Variants in PHF2 observed in about 807,000 individuals in gnomAD.
PHF2 encodes lysine-specific demethylase PHF2.
Under a neutral mutation model 120.5 loss-of-function variants are expected in PHF2, and 27 were observed. That is an observed-to-expected ratio of 0.22 (90% CI 0.17 to 0.31). The LOEUF (loss-of-function observed/expected upper bound fraction) is 0.31, where lower values mean the gene tolerates loss of function less well. Ranked by LOEUF, PHF2 falls within the 10% of genes least tolerant of loss-of-function variation. PHF2 has a pLI of 1.00. For missense variants in PHF2, 1,024 were observed against 1,434.8 expected, an observed-to-expected ratio of 0.71 and a Z score of 4.63; for synonymous variants, 568 against 592.5, an observed-to-expected ratio of 0.96 and a Z score of 0.60.
At chr9:93,587,531 A>G (rs35695657) in intron 1 of PHF2, among the ~76,000 whole-genome samples, 1,921 of 22,890 alleles carry the variant, frequency 0.084, 3 homozygotes, top group South Asian at 0.12. Flanking sequence ...AGTCCCAGAT[A>G]GTGGATGGAG....
chr9:93,673,090 C>T (rs1826840240), intron 17 of PHF2, among the ~76,000 whole-genome samples: 1 of 151,814 alleles, frequency 6.6e-6, no homozygotes, highest in African/African-American at 2.4e-5. Flanking sequence ...GGCTACGCTG[C>T]CCCATCTCAG....
rs773222900 is a variant in PHF2, at chr9:93,679,329, T to C, written c.*1653T>C. The C allele has an allele frequency of 2.0e-5, 9 of 451,950 alleles. No homozygotes were observed. The highest frequency in any genetic ancestry group is 4.0e-5 in the Non-Finnish European group (9 of 225,994). 28.0% of individuals were successfully genotyped at this position (451,950 alleles called of 1,614,324 possible). On this transcript the variant is annotated 3_prime_UTR_variant, in exon 22 of 22. Coordinates refer to ENST00000359246, the MANE Select transcript of PHF2 (RefSeq NM_005392.4). Reference sequence around the variant, plus strand: ...GGGCCCCAGGCTTATTCAGAACTGGTGTTTTTAAAGTTTCCTTTACCCTGC... The same window carrying C: ...GGGCCCCAGGCTTATTCAGAACTGGCGTTTTTAAAGTTTCCTTTACCCTGC...
intron 17 of PHF2, chr9:93,672,606 G>A (rs750739795): frequency 1.0e-6 from 1 of 984,724 alleles, no homozygotes; most frequent in Non-Finnish European, 1.2e-6. Context: ...GGAGGTGTGG[G>A]TATGGGTGTA....
intron 1 of PHF2, among the ~76,000 whole-genome samples, chr9:93,582,685 A>C (rs999192242): frequency 1.3e-5 from 2 of 152,164 alleles, no homozygotes; most frequent in African/African-American, 4.8e-5. Context: ...ACATATGAAC[A>C]TATTTAGAAT....
At position 93,597,867 on chromosome 9, in the gene PHF2, T is replaced by C. The variant is rs146373069; in HGVS notation, c.98+20996T>C. Among the ~76,000 whole-genome samples, 328 of 152,272 alleles carry C rather than the reference T, an allele frequency of 2.2e-3. 1 individual carries two copies. Among genetic ancestry groups the C allele is most frequent in the Non-Finnish European group, 2.1e-3 (145 of 67,996 alleles). ...TTTTTAAAGAACTCTCCCCTCTTCC[T>C]CTCAGATCTTCCTTTAATTTCCAAA... On this transcript the variant is annotated intron_variant, in intron 1 of 21. Coordinates refer to ENST00000359246, the MANE Select transcript of PHF2 (RefSeq NM_005392.4).
In PHF2 at chr9:93,654,795, G is replaced by A. The variant is rs139261542; in HGVS notation, c.952+220G>A. ...ACCCCAGCCCAGTCCCTGCAGAGGG[G>A]CCAGCAATGGGGCTTGTGTTGTCTC... On this transcript the variant is annotated intron_variant, in intron 7 of 21. Transcript: ENST00000359246. Among the ~76,000 whole-genome samples, 600 of 152,324 alleles carry A rather than the reference G, an allele frequency of 3.9e-3. 7 individuals carry two copies. Among genetic ancestry groups the A allele is most frequent in the African/African-American group, 0.014 (587 of 41,572 alleles).
chr9:93,617,127 G>GGGGCCA (rs1797354788), intron 1 of PHF2, among the ~76,000 whole-genome samples: 1 of 152,232 alleles, frequency 6.6e-6, no homozygotes, highest in Non-Finnish European at 1.5e-5. Flanking sequence ...GTCTGAGCCA[G>GGGGCCA]GGGCCAGGGC....
intron 1 of PHF2, among the ~76,000 whole-genome samples, chr9:93,613,901 G>T (rs539100522): frequency 6.6e-6 from 1 of 152,266 alleles, no homozygotes; most frequent in African/African-American, 2.4e-5. Context: ...AGTCTCTATG[G>T]GTTGTCAGCT....
chr9:93,645,749 G>C lies in PHF2; in HGVS notation c.420G>C (p.Pro140=), dbSNP rs745919994. Reference sequence around the variant, plus strand: ...AAGACGGGCTGGGTCTGGCTGTCCCGGCCCCCACGTTCTATGTCAGTGACG... The same window carrying C: ...AAGACGGGCTGGGTCTGGCTGTCCCCGCCCCCACGTTCTATGTCAGTGACG... ...PKKDGLGLAV[P]APTFYVSDVE... is the part of the protein sequence containing the mutation. The change falls in exon 4 of 22, where the codon CCG becomes CCC. Residue 140 remains proline (P), a synonymous_variant. Coordinates refer to ENST00000359246, the MANE Select transcript of PHF2 (RefSeq NM_005392.4). The C allele has an allele frequency of 6.2e-7, 1 of 1,609,594 alleles. No individual in the cohort carries two copies. The highest frequency in any genetic ancestry group is 8.5e-7 in the Non-Finnish European group (1 of 1,178,266).
chr9:93,659,176 C>A (rs538521609), intron 10 of PHF2, among the ~76,000 whole-genome samples: 44 of 152,356 alleles, frequency 2.9e-4, no homozygotes, highest in African/African-American at 1.0e-3. Flanking sequence ...GCCTCAAGGC[C>A]CAGGGCAGTC....
intron 16 of PHF2, among the ~76,000 whole-genome samples, chr9:93,666,295 G>GC (rs1319983545): frequency 6.6e-6 from 1 of 152,156 alleles, no homozygotes; most frequent in East Asian, 1.9e-4. Flanking sequence ...TGAGCCTCCT[G>GC]CCGGGGGAGG....
intron 2 of PHF2, among the ~76,000 whole-genome samples, chr9:93,633,514 T>G (rs1826038479): frequency 1.3e-5 from 2 of 152,172 alleles, no homozygotes; most frequent in East Asian, 3.9e-4. Flanking sequence ...GTTGTCTCAG[T>G]GGGTGTGTTG....
intron 17 of PHF2, among the ~76,000 whole-genome samples, chr9:93,667,466 A>G (rs1429762923): frequency 6.6e-6 from 1 of 152,156 alleles, no homozygotes; most frequent in Non-Finnish European, 1.5e-5. Flanking sequence ...TTTCGGGTAA[A>G]TTCAGAACCA....
At chr9:93,611,416 A>AG (rs1825633848) in intron 1 of PHF2, among the ~76,000 whole-genome samples, 1 of 26,286 alleles carries the variant, frequency 3.8e-5, no homozygotes, top group Admixed American at 4.7e-4. Flanking sequence ...ACTCTGTCTC[A>AG]AAAAAAAAAA....
Position 93,666,082 on chromosome 9 carries a change from C to G in PHF2, c.2187+22C>G, listed in dbSNP as rs775067107. ...CAAGGTGAGCTGCCTTACAGGCCCCCCTCAGTCTCGGGGGGCATCTCTGGG... is the reference window on the plus strand; with the variant it reads ...CAAGGTGAGCTGCCTTACAGGCCCCGCTCAGTCTCGGGGGGCATCTCTGGG... On this transcript the variant is annotated intron_variant, in intron 16 of 21. Transcript: ENST00000359246. 5 of 1,607,498 alleles carry G rather than the reference C, an allele frequency of 3.1e-6. No homozygotes were observed. The African/African-American group carries it at 6.7e-5, about 21-fold the overall frequency.
At chr9:93,670,920 G>A in intron 17 of PHF2, 1 of 861,280 alleles carries the variant, frequency 1.2e-6, no homozygotes, top group Non-Finnish European at 1.4e-6. Flanking sequence ...CAAAGAGAAA[G>A]CCTGGGAGTC....
chr9:93,617,263 CA>C, intron 1 of PHF2, among the ~76,000 whole-genome samples: 1 of 152,196 alleles, frequency 6.6e-6, no homozygotes, highest in Non-Finnish European at 1.5e-5. Context: ...GCCGCAGCTC[CA>C]TGAGCAGGGC....
At chr9:93,585,111 G>A (rs370890444) in intron 1 of PHF2, among the ~76,000 whole-genome samples, 1 of 152,150 alleles carries the variant, frequency 6.6e-6, no homozygotes, top group African/African-American at 2.4e-5. Flanking sequence ...CTGTACATGC[G>A]CAGGGTGCTG....
rs549693037 is a variant in PHF2, at chr9:93,634,157, C to T, written c.185-2254C>T. Reference sequence around the variant, plus strand: ...TGGCTCCCCCATGGAGTAGATATAACTGCCTCCATTTCCACAAGGCCTTCC... The same window carrying T: ...TGGCTCCCCCATGGAGTAGATATAATTGCCTCCATTTCCACAAGGCCTTCC... On this transcript the variant is annotated intron_variant, in intron 2 of 21. Coordinates refer to ENST00000359246, the MANE Select transcript of PHF2 (RefSeq NM_005392.4). Among the ~76,000 whole-genome samples the T allele has an allele frequency of 5.9e-5, 9 of 152,278 alleles. No individual in the cohort carries two copies. In the South Asian group the frequency reaches 1.9e-3, roughly 32 times the overall value.
Sources: allele counts gnomAD v4.1 joint callset (sites outside exome capture counted in the v4.1 genomes callset), GRCh38; gene constraint gnomAD v4.1.1; transcripts MANE v1.5; gene names NCBI Gene and HGNC (gene_info 2026-07-23, HGNC 2026-07-21).